TFIP11: variants seen among roughly 807,000 people sequenced by gnomAD.
TFIP11 encodes the protein tuftelin-interacting protein 11.
Under a neutral mutation model 96.8 loss-of-function variants are expected in TFIP11, and 86 were observed. The ratio of observed to expected loss-of-function variants is 0.89; its 90% CI spans 0.75 to 1.06. The LOEUF is 1.06. TFIP11 is among the 50% of genes least tolerant of loss of function. The pLI is 0.00. For missense variants in TFIP11, 881 were observed against 1,076.7 expected (o/e 0.82, Z 2.54); for synonymous variants, 405 against 395.2 (o/e 1.02, Z -0.29).
chr22:26,491,346 A>G lies in TFIP11; in HGVS notation c.*667T>C. ...AAAAGCATTTAAATCAAAATACCCTATTTGTTATTTTTTTAAAAAGTAAAG... is the reference window on the plus strand; with the variant it reads ...AAAAGCATTTAAATCAAAATACCCTGTTTGTTATTTTTTTAAAAAGTAAAG... On this transcript the variant is annotated 3_prime_UTR_variant, in exon 15 of 15. Transcript: ENST00000407690. 1 of 876,904 alleles carries G rather than the reference A, an allele frequency of 1.1e-6. No homozygotes were observed. The highest frequency in any genetic ancestry group is 1.8e-6 in the Non-Finnish European group (1 of 561,150). 54.3% of individuals were successfully genotyped at this position (876,904 alleles called of 1,614,324 possible).
chr22:26,494,048 C>T, intron 14 of TFIP11, 91 bp downstream of exon 14: 2 of 1,478,274 alleles, frequency 1.4e-6, no homozygotes, highest in Non-Finnish European at 1.8e-6. Flanking sequence ...AGGCTGCCTA[C>T]AGGAACCAGA....
intron 4 of TFIP11, 45 bp downstream of exon 4, chr22:26,510,019 C>A: frequency 2.5e-6 from 4 of 1,602,024 alleles, no homozygotes; most frequent in Non-Finnish European, 3.4e-6. Flanking sequence ...CATCTTCCCC[C>A]TCTTCCCTAA....
intron 10 of TFIP11, among the ~76,000 whole-genome samples, chr22:26,498,477 C>T (rs770177309): frequency 7.1e-6 from 1 of 140,170 alleles, no homozygotes; most frequent in African/African-American, 2.7e-5. Flanking sequence ...AGGCAGTTGG[C>T]GGTTGCAGTG....
At chr22:26,495,941 T>C in intron 12 of TFIP11, 132 bp downstream of exon 12, 2 of 1,355,886 alleles carry the variant, frequency 1.5e-6, no homozygotes, top group Non-Finnish European at 2.0e-6. Flanking sequence ...TGTTACCTTT[T>C]TCACAGCAAG....
chr22:26,508,954 G>C (rs572807266), intron 4 of TFIP11, among the ~76,000 whole-genome samples: 1 of 152,272 alleles, frequency 6.6e-6, no homozygotes, highest in African/African-American at 2.4e-5. Context: ...CCCTGGTTGA[G>C]TGAGGTTCAG....
At position 26,491,973 on chromosome 22, in the gene TFIP11, T is replaced by C. The variant is rs1392037995; in HGVS notation, c.*40A>G. The C allele has an allele frequency of 6.5e-7, 1 of 1,536,298 alleles. No individual in the cohort carries two copies. Among genetic ancestry groups the C allele is most frequent in the South Asian group, 1.2e-5 (1 of 83,898 alleles). Reference sequence around the variant, plus strand: ...ACTGTTTATTTACAGTACATCCCTCTTAGGGGCAAGTCTCTGACTGGTTCT... The same window carrying C: ...ACTGTTTATTTACAGTACATCCCTCCTAGGGGCAAGTCTCTGACTGGTTCT... On this transcript the variant is annotated 3_prime_UTR_variant, in exon 15 of 15. Transcript: ENST00000407690.
intron 14 of TFIP11, 45 bp from the exon 15 acceptor site, chr22:26,492,413 TG>T: frequency 6.4e-7 from 1 of 1,574,184 alleles, no homozygotes; most frequent in Non-Finnish European, 8.7e-7. Context: ...TGTTTCCAGG[TG>T]TATGGAAGTT....
rs766764167 is a variant in TFIP11, at chr22:26,499,641, C to T, written c.802-10G>A. On this transcript the variant is annotated splice_polypyrimidine_tract_variant and intron_variant, in intron 8 of 14. Transcript: ENST00000407690. The stretch of plus-strand genomic sequence containing the variant: ...CTGTCATGTCTATGACCTTGGAAAA[C>T]ATAGAGGGATGAAGGTTAACACCGC... 1.7e-5 allele frequency: 27 copies of T among 1,598,128 alleles called. No homozygotes were observed. The Admixed American group carries it at 4.2e-4, about 25-fold the overall frequency.
At chr22:26,498,044 A>T (rs1922282317) in intron 10 of TFIP11, among the ~76,000 whole-genome samples, 1 of 152,240 alleles carries the variant, frequency 6.6e-6, no homozygotes, top group Non-Finnish European at 1.5e-5. Flanking sequence ...TCAGCCATAA[A>T]AAGGAATGAA....
At chr22:26,502,562 C>T (rs1365880965) in intron 7 of TFIP11, among the ~76,000 whole-genome samples, 1 of 152,192 alleles carries the variant, frequency 6.6e-6, no homozygotes, top group Non-Finnish European at 1.5e-5. Context: ...CCCAGGACGG[C>T]TCTGAATACG....
chr22:26,500,469 T>G (rs1296441224), intron 8 of TFIP11, among the ~76,000 whole-genome samples: 1 of 152,160 alleles, frequency 6.6e-6, no homozygotes, highest in Non-Finnish European at 1.5e-5. Context: ...GCGCCCAGCC[T>G]TTTAATTTTA....
rs1410245730 is a variant in TFIP11 at position 26,499,226 on chromosome 22, T to C, written c.1207A>G (p.Ile403Val). 1.2e-6 allele frequency: 2 copies of C among 1,613,904 alleles called. No individual in the cohort carries two copies. Among genetic ancestry groups the C allele is most frequent in the Non-Finnish European group, 1.7e-6 (2 of 1,179,968 alleles). Residue 403 changes from isoleucine (I) to valine (V), a missense_variant, in exon 9 of 15, where the codon ATC (isoleucine) becomes GTC (valine). Physicochemically the swap from Ile to Val is conservative, Grantham distance 29. Transcript: ENST00000407690. ...NPLTLDECAR[I>V]FETLQDKYYE... The stretch of plus-strand genomic sequence containing the variant: ...TACTTGTCCTGCAGGGTTTCGAAGA[T>C]GCGGGCACACTCGTCCAGGGTGAGG...
At chr22:26,500,878 C>CTTTTTT (rs397958538) in intron 8 of TFIP11, among the ~76,000 whole-genome samples, 40 of 102,042 alleles carry the variant, frequency 3.9e-4, no homozygotes, top group Non-Finnish European at 4.3e-4. Context: ...TAACGGAAAA[C>CTTTTTT]TTTTTTTTTT....
chr22:26,510,264 C>G lies in TFIP11; in HGVS notation c.9G>C (p.Leu3Phe). The change falls in exon 4 of 15, where the codon TTG becomes TTC. Residue 3 changes from leucine (L) to phenylalanine (F), a missense_variant. Transcript: ENST00000407690. MS[L>F]SHLYRDGEGR... ...CTTCCCCATCCCGGTATAAGTGGGA[C>G]AATGACATGGCCAGTCACTAAAGGA... The G allele has an allele frequency of 1.2e-6, 2 of 1,614,164 alleles. No homozygotes were observed. Among genetic ancestry groups the G allele is most frequent in the Non-Finnish European group, 1.7e-6 (2 of 1,180,040 alleles).
chr22:26,503,823 G>T (rs1311136863), intron 6 of TFIP11, 30 bp from the exon 7 acceptor site: 2 of 1,609,264 alleles, frequency 1.2e-6, no homozygotes, highest in Admixed American at 3.4e-5. Context: ...AAAAAAGAGA[G>T]TCTTACGATC....
At chr22:26,509,053 C>A (rs765410676) in intron 4 of TFIP11, among the ~76,000 whole-genome samples, 1 of 152,156 alleles carries the variant, frequency 6.6e-6, no homozygotes, top group East Asian at 1.9e-4. Context: ...CCTCCACTAC[C>A]TGTGCAGGGA....
intron 14 of TFIP11, chr22:26,492,806 G>T: frequency 5.5e-6 from 1 of 180,576 alleles, no homozygotes; most frequent in Admixed American, 5.3e-5. Context: ...CATCCTGAAA[G>T]AAGTTCACAT....
chr22:26,500,417 C>T (rs1922635340), intron 8 of TFIP11, among the ~76,000 whole-genome samples: 1 of 152,202 alleles, frequency 6.6e-6, no homozygotes, highest in African/African-American at 2.4e-5. Flanking sequence ...GATCCGCCTG[C>T]CTCAGCCTCC....
intron 4 of TFIP11, 65 bp from the exon 5 acceptor site, chr22:26,506,993 T>C (rs2147146246): frequency 3.8e-6 from 6 of 1,560,884 alleles, no homozygotes; most frequent in Non-Finnish European, 5.2e-6. Context: ...AGCGATCCTT[T>C]TGCAGAAACT....
Sources: allele counts gnomAD v4.1 joint callset (sites outside exome capture counted in the v4.1 genomes callset), GRCh38; gene constraint gnomAD v4.1.1; transcripts MANE v1.5; gene names NCBI Gene and HGNC (gene_info 2026-07-23, HGNC 2026-07-21).